RPS6KA2: variants seen among roughly 807,000 people sequenced by gnomAD.
RPS6KA2 encodes ribosomal protein S6 kinase A2.
RPS6KA2 carries 42 observed loss-of-function variants against 91.8 expected under a neutral mutation model. The ratio of observed to expected loss-of-function variants is 0.46; its 90% CI spans 0.36 to 0.59. The LOEUF (loss-of-function observed/expected upper bound fraction) is 0.59. RPS6KA2 is among the 20% of genes least tolerant of loss of function. The pLI is 0.00. For synonymous variants in RPS6KA2, 414 were observed against 393.6 expected (o/e 1.05, Z -0.61); for missense variants, 798 against 978.5 (o/e 0.82, Z 2.46).
intron 2 of RPS6KA2, among the ~76,000 whole-genome samples, chr6:166,686,395 T>G (rs967504213): frequency 6.6e-6 from 1 of 151,894 alleles, no homozygotes; most frequent in South Asian, 2.1e-4. Flanking sequence ...TGCAGGGAGG[T>G]GAAATGACCC....
intron 2 of RPS6KA2, among the ~76,000 whole-genome samples, chr6:166,716,663 TGTA>T (rs1182571758): frequency 6.6e-6 from 1 of 152,216 alleles, no homozygotes; most frequent in Admixed American, 6.5e-5. Flanking sequence ...AAAGGGGGGT[TGTA>T]ATAACAAATT....
At chr6:166,528,720 C>T (rs1583243858) in intron 3 of RPS6KA2, among the ~76,000 whole-genome samples, 2 of 151,926 alleles carry the variant, frequency 1.3e-5, no homozygotes, top group African/African-American at 4.8e-5. Context: ...AACAAATTTA[C>T]AAGAAAAAAA....
At chr6:166,484,999 CG>C (rs977242075) in intron 10 of RPS6KA2, among the ~76,000 whole-genome samples, 4 of 152,174 alleles carry the variant, frequency 2.6e-5, no homozygotes, top group Admixed American at 6.5e-5. Context: ...AGCACCGTGC[CG>C]GGGGAAACCT....
At chr6:166,614,937 C>T (rs1035883892) in intron 1 of RPS6KA2, among the ~76,000 whole-genome samples, 1 of 152,208 alleles carries the variant, frequency 6.6e-6, no homozygotes, top group Non-Finnish European at 1.5e-5. Flanking sequence ...CATTTTGCCA[C>T]ATATGGGAAC....
chr6:166,460,389 A>G (rs901716142), intron 11 of RPS6KA2, among the ~76,000 whole-genome samples: 1 of 152,240 alleles, frequency 6.6e-6, no homozygotes, highest in Non-Finnish European at 1.5e-5. Flanking sequence ...AAGCACACAC[A>G]GGTACCTGGA....
chr6:166,851,069 T>C (rs1479599934), intron 2 of RPS6KA2, among the ~76,000 whole-genome samples: 1 of 152,218 alleles, frequency 6.6e-6, no homozygotes, highest in East Asian at 1.9e-4. Context: ...GCAAATTACA[T>C]CACCTTTGGT....
At chr6:166,519,854 G>A (rs1284726075) in intron 3 of RPS6KA2, among the ~76,000 whole-genome samples, 1 of 152,184 alleles carries the variant, frequency 6.6e-6, no homozygotes, top group Non-Finnish European at 1.5e-5. Context: ...ATTACATTAT[G>A]TAGTATATTG....
intron 2 of RPS6KA2, among the ~76,000 whole-genome samples, chr6:166,786,966 G>A (rs1478829915): frequency 6.6e-6 from 1 of 152,168 alleles, no homozygotes; most frequent in Non-Finnish European, 1.5e-5. Flanking sequence ...GTTTTAAATG[G>A]CCTTCCCAAC....
chr6:166,412,821 G>T lies in RPS6KA2; in HGVS notation c.2143C>A (p.Leu715Met). Residue 715 changes from leucine (L) to methionine (M), a missense_variant, in exon 21 of 21, where the codon CTG becomes ATG. By Grantham distance (15) the Leu-to-Met change is conservative. Transcript: ENST00000265678. The surrounding 1 kb of genome is among the most constrained non-coding windows in gnomAD (Gnocchi z 4.3). ...CTGCGCTGAGCCAGGTTGGATGACA[G>T]CACGGGCTCCAGCCGCGGGGCCTGA... ...TPQAPRLEPV[L>M]SSNLAQRRGM... The T allele has an allele frequency of 6.3e-7, 1 of 1,584,950 alleles. No individual in the cohort carries two copies. Among genetic ancestry groups the T allele is most frequent in the Admixed American group, 1.8e-5 (1 of 54,680 alleles).
intron 13 of RPS6KA2, among the ~76,000 whole-genome samples, chr6:166,449,837 CGGGACAACCACGAGGACCACCAT>C (rs1289101253): frequency 1.2e-4 from 11 of 89,144 alleles, no homozygotes; most frequent in East Asian, 2.9e-4. Context: ...GGGACCACCA[CGGGACAACCACGAGGACCACCAT>C]GGGAACCACC....
intron 2 of RPS6KA2, among the ~76,000 whole-genome samples, chr6:166,856,943 A>G (rs1780917661): frequency 6.6e-6 from 1 of 152,242 alleles, no homozygotes; most frequent in South Asian, 2.1e-4. Flanking sequence ...GTGTTCAAGA[A>G]CGCAGCTGGA....
chr6:166,693,003 G>A lies in RPS6KA2; in HGVS notation c.124-154219C>T, dbSNP rs149608044. On this transcript the variant is annotated intron_variant, in intron 2 of 21. Transcript: ENST00000503859. ...GTCACTCGGGATCATCCGAAACTCAGGAGAGGGCAAGAGGCAGTTGATTGC... is the reference window on the plus strand; with the variant it reads ...GTCACTCGGGATCATCCGAAACTCAAGAGAGGGCAAGAGGCAGTTGATTGC... Among the ~76,000 whole-genome samples, 203 of 152,346 alleles carry A rather than the reference G, an allele frequency of 1.3e-3. 2 individuals are homozygous for A. Among genetic ancestry groups the A allele is most frequent in the South Asian group, 0.012 (56 of 4,816 alleles).
At chr6:166,597,652 T>C (rs76756464) in intron 1 of RPS6KA2, among the ~76,000 whole-genome samples, 144 of 152,354 alleles carry the variant, frequency 9.5e-4, no homozygotes, top group Non-Finnish European at 1.4e-3. Flanking sequence ...ACATGCAAGA[T>C]TGCAGCTCTA....
chr6:166,797,253 C>T (rs1320814566), intron 2 of RPS6KA2, among the ~76,000 whole-genome samples: 1 of 152,110 alleles, frequency 6.6e-6, no homozygotes, highest in Non-Finnish European at 1.5e-5. Flanking sequence ...AGGGGCAAGG[C>T]ACACCTCACA....
chr6:166,517,424 C>T (rs762399404), intron 3 of RPS6KA2, among the ~76,000 whole-genome samples: 129 of 145,640 alleles, frequency 8.9e-4, no homozygotes, highest in Non-Finnish European at 1.5e-3. Flanking sequence ...CCACCCAGGG[C>T]GGAAAACCAC....
chr6:166,423,155 C>G lies in RPS6KA2; in HGVS notation c.1743+101G>C, dbSNP rs1395832026. ...ACACCACTGCTGACGCAGCTCAAGC[C>G]GCCTCTGACATCCCCGCTGTCCGGT... On this transcript the variant is annotated intron_variant, in intron 17 of 20. Coordinates refer to ENST00000265678, the MANE Select transcript of RPS6KA2 (RefSeq NM_021135.6). The surrounding 1 kb of genome is among the most constrained non-coding windows in gnomAD (Gnocchi z 4.8). 1 of 1,279,732 alleles carries G rather than the reference C, an allele frequency of 7.8e-7. No individual in the cohort carries two copies. Among genetic ancestry groups the G allele is most frequent in the Admixed American group, 2.3e-5 (1 of 43,646 alleles). The allele number at this position is 1,279,732 out of a possible 1,614,324, so 79.3% of individuals were successfully genotyped here. A position where few individuals can be genotyped will look rare whatever the true frequency, so the allele number is the denominator to read the frequency against.
rs192004797 is a variant in RPS6KA2, at chr6:166,555,671, C to T, written c.100-16887G>A. ...TCGGTGTACTGACTCCTGTGTGCATCGGGCAAAGAACCTATTACGCTTACA... is the reference window on the plus strand; with the variant it reads ...TCGGTGTACTGACTCCTGTGTGCATTGGGCAAAGAACCTATTACGCTTACA... On this transcript the variant is annotated intron_variant, in intron 1 of 20. Coordinates refer to ENST00000265678, the MANE Select transcript of RPS6KA2 (RefSeq NM_021135.6). 4.2e-3 allele frequency among the ~76,000 whole-genome samples: 635 copies of T among 152,058 alleles called. 9 individuals carry two copies. Among genetic ancestry groups the T allele is most frequent in the South Asian group, 0.032 (152 of 4,798 alleles).
intron 2 of RPS6KA2, among the ~76,000 whole-genome samples, chr6:166,845,764 A>T (rs1223503627): frequency 7.0e-6 from 1 of 143,106 alleles, no homozygotes; most frequent in African/African-American, 3.0e-5. Context: ...AAAAGTCTAA[A>T]AGAGCACAAA....
intron 1 of RPS6KA2, among the ~76,000 whole-genome samples, chr6:166,615,734 T>A (rs1786384225): frequency 6.6e-6 from 1 of 152,128 alleles, no homozygotes; most frequent in South Asian, 2.1e-4. Context: ...CCCCGCTCTA[T>A]CCTGTCCTGG....
Sources: gnomAD v4.1 joint callset for allele counts (sites outside exome capture counted in the v4.1 genomes callset) on GRCh38, gnomAD v4.1.1 for gene constraint, Gnocchi (gnomAD v3.1) non-coding constraint, MANE v1.5 for transcripts, NCBI Gene and HGNC (gene_info 2026-07-23, HGNC 2026-07-21) for gene names.